The following PIGN variants were observed in gnomAD, a reference collection of about 807,000 sequenced individuals.
PIGN encodes phosphatidylinositol glycan anchor biosynthesis class N.
A neutral mutation model predicts 125.4 loss-of-function variants in PIGN; 117 were observed. The ratio of observed to expected loss-of-function variants is 0.93; its 90% CI spans 0.80 to 1.09. The LOEUF is 1.09. PIGN is among the 50% of genes least tolerant of loss of function. The pLI is 0.00. For missense variants in PIGN, 1,075 were observed against 1,094.9 expected, an observed-to-expected ratio of 0.98 and a Z score of 0.26; for synonymous variants, 392 against 377.8, an observed-to-expected ratio of 1.04 and a Z score of -0.44.
rs553147435 is a variant in PIGN at position 62,176,475 on chromosome 18, GA to G, written c.-236+10368del. Among the ~76,000 whole-genome samples, 262 of 152,008 alleles carry G rather than the reference GA, an allele frequency of 1.7e-3. 1 individual carries two copies. Among genetic ancestry groups the G allele is most frequent in the Non-Finnish European group, 2.0e-3 (133 of 67,954 alleles). The stretch of plus-strand genomic sequence containing the variant: ...CAAAGGGAAAAATACTAACAATGGA[GA>G]AAATAGTCAGACACCATTTAACCAA... On this transcript the variant is annotated intron_variant, in intron 1 of 30. Transcript: ENST00000640252.
downstream of PIGN, among the ~76,000 whole-genome samples, chr18:62,036,791 T>C (rs1294050199): frequency 1.3e-5 from 2 of 152,206 alleles, no homozygotes; most frequent in Non-Finnish European, 2.9e-5. Context: ...TAACCTGCCA[T>C]CATGTCTGGC....
At chr18:62,039,579 G>GC (rs1568106160), downstream of PIGN, among the ~76,000 whole-genome samples, 19 of 89,486 alleles carry the variant, frequency 2.1e-4, no homozygotes, top group Non-Finnish European at 2.9e-4. Context: ...CATGTTTAGG[G>GC]TCCATCCAGG....
At chr18:62,019,851 C>G (rs11877632) in intron 23 of PIGN, among the ~76,000 whole-genome samples, 63,908 of 152,146 alleles carry the variant, frequency 0.42, 15,076 homozygotes, top group African/African-American at 0.63. Flanking sequence ...TGGTCCCTGA[C>G]AGTCCCTTCA....
chr18:62,096,551 T>A (rs2034208423), intron 22 of PIGN, among the ~76,000 whole-genome samples: 1 of 117,716 alleles, frequency 8.5e-6, no homozygotes, highest in Non-Finnish European at 1.7e-5. Flanking sequence ...TTTATTATAC[T>A]CTAAGTTTTA....
At chr18:62,109,733 A>C (rs1040716404) in intron 17 of PIGN, 101 bp downstream of exon 17, 2 of 986,632 alleles carry the variant, frequency 2.0e-6, no homozygotes, top group Admixed American at 2.4e-5. Flanking sequence ...CAGTATTATA[A>C]ATATATTTGA....
At position 62,024,881 on chromosome 18, in the gene PIGN, C is replaced by A. The variant is rs190404383; in HGVS notation, c.2143-7140G>T. 1.0e-3 allele frequency among the ~76,000 whole-genome samples: 156 copies of A among 152,300 alleles called. 3 individuals carry two copies. The East Asian group carries it at 0.023, about 22-fold the overall frequency. ...ATTATGATCATATATGTGCTCCACC[C>A]TGGTGAAGAGTTGGAAATGTCACCA... On this transcript the variant is annotated intron_variant, in intron 23 of 24. Transcript: ENST00000639600.
intron 1 of PIGN, among the ~76,000 whole-genome samples, chr18:62,181,728 T>G (rs1356452419): frequency 6.6e-6 from 1 of 152,000 alleles, no homozygotes; most frequent in Non-Finnish European, 1.5e-5. Context: ...TCCTTTTTAT[T>G]TTTATTTCTT....
chr18:62,045,637 T>C lies in PIGN; in HGVS notation c.*219A>G. On this transcript the variant is annotated 3_prime_UTR_variant, in exon 31 of 31. Coordinates refer to ENST00000640252, the MANE Select transcript of PIGN (RefSeq NM_176787.5). The stretch of plus-strand genomic sequence containing the variant: ...AAAAGGAGAATGCCTTCCTATGCTT[T>C]TCCACAGATATAATCACTATTTCAT... 1 of 399,854 alleles carries C rather than the reference T, an allele frequency of 2.5e-6. No individual in the cohort carries two copies. Among genetic ancestry groups the C allele is most frequent in the South Asian group, 4.4e-5 (1 of 22,498 alleles). 24.8% of individuals were successfully genotyped at this position (399,854 alleles called of 1,614,324 possible). A position where few individuals can be genotyped will look rare whatever the true frequency, so the allele number is the denominator to read the frequency against.
chr18:62,063,647 A>G (rs2032330899), intron 30 of PIGN, among the ~76,000 whole-genome samples: 1 of 149,238 alleles, frequency 6.7e-6, no homozygotes, highest in Non-Finnish European at 1.5e-5. Context: ...AAAGGTGCCA[A>G]AAGGTATAAT....
chr18:62,049,010 T>A (rs969010354), intron 30 of PIGN, among the ~76,000 whole-genome samples: 1 of 152,094 alleles, frequency 6.6e-6, no homozygotes, highest in Admixed American at 6.6e-5. Context: ...ATTTCATCCA[T>A]GTCCCTACAA....
chr18:62,038,965 T>C (rs1455643102), downstream of PIGN, among the ~76,000 whole-genome samples: 3 of 149,528 alleles, frequency 2.0e-5, no homozygotes, highest in East Asian at 5.9e-4. Context: ...TAATAATAGC[T>C]ACAATAATTG....
At chr18:62,020,137 G>T (rs2030035555) in intron 23 of PIGN, among the ~76,000 whole-genome samples, 2 of 152,218 alleles carry the variant, frequency 1.3e-5, no homozygotes, top group South Asian at 4.1e-4. Flanking sequence ...ACACTAGGGA[G>T]CTGAGAGTTG....
At chr18:62,147,524 A>G (rs891833712) in intron 8 of PIGN, among the ~76,000 whole-genome samples, 5 of 152,198 alleles carry the variant, frequency 3.3e-5, no homozygotes, top group Admixed American at 3.3e-4. Flanking sequence ...TATATTTAAG[A>G]CTGCCACACA....
intron 25 of PIGN, among the ~76,000 whole-genome samples, chr18:62,087,670 T>C (rs1599487338): frequency 6.6e-6 from 1 of 152,284 alleles, no homozygotes; most frequent in Non-Finnish European, 1.5e-5. Context: ...GAGGATGGAA[T>C]ATTTATTTCC....
intron 1 of PIGN, among the ~76,000 whole-genome samples, chr18:62,174,793 A>G (rs975454503): frequency 2.0e-5 from 3 of 151,712 alleles, no homozygotes; most frequent in African/African-American, 7.2e-5. Flanking sequence ...AAACATACAT[A>G]GCAACTAGCT....
intron 22 of PIGN, among the ~76,000 whole-genome samples, chr18:62,099,752 A>T (rs2034362190): frequency 6.6e-6 from 1 of 152,114 alleles, no homozygotes; most frequent in South Asian, 2.1e-4. Context: ...AGGAAAATGG[A>T]ATATCCATTT....
At chr18:62,092,777 T>C (rs1230115098) in intron 23 of PIGN, among the ~76,000 whole-genome samples, 2 of 152,108 alleles carry the variant, frequency 1.3e-5, no homozygotes, top group African/African-American at 4.8e-5. Context: ...ACACTATTTT[T>C]CCAATGATTT....
chr18:62,027,855 C>A (rs1298700207), intron 23 of PIGN, among the ~76,000 whole-genome samples: 1 of 151,806 alleles, frequency 6.6e-6, no homozygotes, highest in South Asian at 2.1e-4. Context: ...AGCAGTGAGC[C>A]GTGATCACGC....
chr18:62,136,334 G>GTTGTA (rs2035931623), intron 14 of PIGN: 1 of 152,042 alleles, frequency 6.6e-6, no homozygotes, highest in South Asian at 2.1e-4. Context: ...TATTCAGAGG[G>GTTGTA]TAATGTAATA....
Sources: gnomAD v4.1 joint callset for allele counts (sites outside exome capture counted in the v4.1 genomes callset) on GRCh38, gnomAD v4.1.1 for gene constraint, MANE v1.5 for transcripts, NCBI Gene and HGNC (gene_info 2026-07-23, HGNC 2026-07-21) for gene names.